The following AGK variants were observed in gnomAD, a reference collection of about 807,000 sequenced individuals.
AGK encodes acylglycerol kinase.
A neutral mutation model predicts 66.4 loss-of-function variants in AGK; 52 were observed. The observed-to-expected ratio is 0.78, with a 90% CI of 0.63 to 0.99. The LOEUF (loss-of-function observed/expected upper bound fraction) is 0.99, where lower values mean the gene tolerates loss of function less well. AGK is among the 50% of genes least tolerant of loss of function. The pLI, the probability that AGK is intolerant of heterozygous loss-of-function variation, is 0.00. For synonymous variants in AGK, 182 were observed against 181.1 expected, an observed-to-expected ratio of 1.00 and a Z score of -0.04; for missense variants, 451 against 506.6, an observed-to-expected ratio of 0.89 and a Z score of 1.05.
intron 6 of AGK, 80 bp from the exon 7 acceptor site, chr7:141,614,066 C>A: frequency 9.5e-7 from 1 of 1,051,752 alleles, no homozygotes; most frequent in South Asian, 1.4e-5. Context: ...AGTTTATGGT[C>A]TATGAAAATT....
At chr7:141,611,383 T>A in intron 6 of AGK, 96 bp downstream of exon 6, 1 of 817,286 alleles carries the variant, frequency 1.2e-6, no homozygotes, top group Non-Finnish European at 1.8e-6. Flanking sequence ...AGAAATTTTT[T>A]ATTTTAATTC....
chr7:141,631,289 C>A (rs1005750271), intron 9 of AGK, among the ~76,000 whole-genome samples: 4 of 152,028 alleles, frequency 2.6e-5, no homozygotes, highest in African/African-American at 9.7e-5. Context: ...AAAAGATGAC[C>A]CTGTTTTCAG....
chr7:141,598,232 G>A lies in AGK; in HGVS notation c.221+1591G>A, dbSNP rs1796270299. 6.6e-6 allele frequency among the ~76,000 whole-genome samples: 1 copy of A among 152,172 alleles called. No homozygotes were observed. The highest frequency in any genetic ancestry group is 1.5e-5 in the Non-Finnish European group (1 of 68,036). ...AACTGAATCATATCTGCTGGGCTTT[G>A]TTAGAGCCGCTTCCCTCCCCCATAA... is the stretch of plus-strand genomic sequence containing the variant. On this transcript the variant is annotated intron_variant, in intron 4 of 15. Coordinates refer to ENST00000649286, the MANE Select transcript of AGK (RefSeq NM_018238.4). This position sits in a 1 kb window ranked among gnomAD's most constrained non-coding sequence, Gnocchi z 4.2.
intron 2 of AGK, among the ~76,000 whole-genome samples, chr7:141,591,337 C>T (rs1233304010): frequency 6.6e-6 from 1 of 152,004 alleles, no homozygotes; most frequent in Admixed American, 6.5e-5. Flanking sequence ...AAGTGATCTG[C>T]CCACCTTGTC....
At chr7:141,645,307 T>C (rs1797386657) in intron 13 of AGK, among the ~76,000 whole-genome samples, 1 of 152,176 alleles carries the variant, frequency 6.6e-6, no homozygotes, top group Non-Finnish European at 1.5e-5. Context: ...TATGCTATTC[T>C]AAATAATATC....
intron 4 of AGK, among the ~76,000 whole-genome samples, chr7:141,599,839 A>T (rs192136461): frequency 2.0e-5 from 3 of 152,188 alleles, no homozygotes; most frequent in Non-Finnish European, 4.4e-5. Flanking sequence ...AAAGGTAGAA[A>T]ATATTTAATT....
chr7:141,569,836 G>C (rs540613534), intron 2 of AGK, among the ~76,000 whole-genome samples: 1 of 152,136 alleles, frequency 6.6e-6, no homozygotes, highest in East Asian at 1.9e-4. Flanking sequence ...GAGCGTGAGA[G>C]AGATGAAGAA....
At chr7:141,629,828 G>A (rs562041445) in intron 9 of AGK, among the ~76,000 whole-genome samples, 4 of 151,842 alleles carry the variant, frequency 2.6e-5, no homozygotes, top group Admixed American at 6.6e-5. Context: ...GGATCAGTCG[G>A]CAACCCTCAG....
intron 2 of AGK, among the ~76,000 whole-genome samples, chr7:141,589,062 A>G (rs1241619552): frequency 6.6e-6 from 1 of 151,900 alleles, no homozygotes; most frequent in African/African-American, 2.4e-5. Context: ...AGAATGCCCT[A>G]CCTCCTGGGA....
intron 6 of AGK, among the ~76,000 whole-genome samples, chr7:141,613,055 T>A (rs927586061): frequency 6.6e-6 from 1 of 152,192 alleles, no homozygotes; most frequent in Non-Finnish European, 1.5e-5. Flanking sequence ...CTAATGATGT[T>A]GTAATTGTTT....
intron 2 of AGK, among the ~76,000 whole-genome samples, chr7:141,590,576 A>G (rs1174643682): frequency 1.3e-5 from 2 of 152,142 alleles, no homozygotes; most frequent in African/African-American, 4.8e-5. Flanking sequence ...GAGGAACCTC[A>G]TATTATTTTG....
chr7:141,561,861 A>C (rs866901207), intron 2 of AGK, among the ~76,000 whole-genome samples: 7 of 152,194 alleles, frequency 4.6e-5, no homozygotes, highest in Middle Eastern at 3.4e-3. Flanking sequence ...CGATATCTTG[A>C]TGTGGTGCTC....
intron 3 of AGK, chr7:141,593,753 CA>C (rs981700989): frequency 5.6e-6 from 1 of 177,882 alleles, no homozygotes; most frequent in African/African-American, 2.4e-5. Context: ...CCCCCCACTG[CA>C]AAAATGTGCA....
chr7:141,599,656 C>A (rs956188726), intron 4 of AGK, among the ~76,000 whole-genome samples: 3 of 152,132 alleles, frequency 2.0e-5, no homozygotes, highest in Non-Finnish European at 4.4e-5. Flanking sequence ...CCACTTCCAA[C>A]TGATCCTTTC....
intron 4 of AGK, chr7:141,596,887 T>C (rs1796238665): frequency 2.1e-6 from 1 of 465,152 alleles, no homozygotes; most frequent in African/African-American, 2.0e-5. Flanking sequence ...CCTACAAAGA[T>C]GTCTTATTTG....
At chr7:141,594,261 G>T in intron 3 of AGK, 1 of 152,510 alleles carries the variant, frequency 6.6e-6, no homozygotes. Context: ...GTGGTGTGAT[G>T]TTGGCTCACT....
At chr7:141,604,784 A>G (rs914913662) in intron 5 of AGK, among the ~76,000 whole-genome samples, 9 of 151,826 alleles carry the variant, frequency 5.9e-5, no homozygotes, top group African/African-American at 9.7e-5. Flanking sequence ...AGGTTTTACC[A>G]TGTTGGCCAG....
intron 11 of AGK, among the ~76,000 whole-genome samples, chr7:141,638,871 G>A (rs890373821): frequency 3.3e-5 from 5 of 152,114 alleles, no homozygotes; most frequent in African/African-American, 7.2e-5. Flanking sequence ...GATTTAGGTC[G>A]GAATTCAGCA....
At chr7:141,637,156 T>A in intron 11 of AGK, 139 bp downstream of exon 11, 1 of 644,982 alleles carries the variant, frequency 1.6e-6, no homozygotes, top group Non-Finnish European at 2.7e-6. Flanking sequence ...CATGTTTGAT[T>A]AAATACAAAT....
Sources: gnomAD v4.1 joint callset for allele counts (sites outside exome capture counted in the v4.1 genomes callset) on GRCh38, gnomAD v4.1.1 for gene constraint, Gnocchi (gnomAD v3.1) non-coding constraint, MANE v1.5 for transcripts, NCBI Gene and HGNC (gene_info 2026-07-23, HGNC 2026-07-21) for gene names.